Variants in UBE2D2 observed in about 807,000 individuals in gnomAD.
UBE2D2 encodes the protein ubiquitin-conjugating enzyme E2 D2.
A neutral mutation model predicts 24.2 loss-of-function variants in UBE2D2; 2 were observed. The observed-to-expected ratio is 0.08, with a 90% CI of 0.03 to 0.26. UBE2D2 has a LOEUF of 0.26. UBE2D2 is among the 10% of genes least tolerant of loss of function. The pLI is 1.00. For synonymous variants in UBE2D2, 58 were observed against 56.5 expected (o/e 1.03, Z -0.12); for missense variants, 44 against 177.6 (o/e 0.25, Z 4.28).
chr5:139,531,332 T>C (rs1181229779), intron 1 of UBE2D2, among the ~76,000 whole-genome samples: 1 of 152,160 alleles, frequency 6.6e-6, no homozygotes, highest in Non-Finnish European at 1.5e-5. Context: ...CCCTGTTCTG[T>C]TTCTCTCTGA....
At position 139,602,731 on chromosome 5, in the gene UBE2D2, T is replaced by G. The variant is rs367635012; in HGVS notation, c.88+2296T>G. Among the ~76,000 whole-genome samples, 74 of 152,242 alleles carry G rather than the reference T, an allele frequency of 4.9e-4. No homozygotes were observed. In the East Asian group the frequency reaches 0.014, roughly 28 times the overall value. ...AAACGGAAAAAAAGAATGTGTCTGGTCTGCTAAATCCTGAAGAATCAAAGC... is the reference window on the plus strand; with the variant it reads ...AAACGGAAAAAAAGAATGTGTCTGGGCTGCTAAATCCTGAAGAATCAAAGC... On this transcript the variant is annotated intron_variant, in intron 2 of 6. Transcript: ENST00000398733.
intron 1 of UBE2D2, among the ~76,000 whole-genome samples, chr5:139,582,145 C>T (rs888880422): frequency 6.6e-6 from 1 of 151,934 alleles, no homozygotes; most frequent in African/African-American, 2.4e-5. Flanking sequence ...TAGGCACTGC[C>T]GCCCAGCTAA....
intron 1 of UBE2D2, among the ~76,000 whole-genome samples, chr5:139,527,239 C>T (rs149292500): frequency 7.2e-5 from 11 of 152,170 alleles, no homozygotes; most frequent in African/African-American, 2.4e-4. Context: ...CCAAAGCACC[C>T]GGACCAGTTT....
chr5:139,593,781 A>T (rs1328070059), intron 1 of UBE2D2, among the ~76,000 whole-genome samples: 1 of 151,878 alleles, frequency 6.6e-6, no homozygotes, highest in Non-Finnish European at 1.5e-5. Context: ...TGGGCTAATT[A>T]AAAAAAATTT....
chr5:139,603,094 C>T lies in UBE2D2; in HGVS notation c.88+2659C>T, dbSNP rs1023465693. Among the ~76,000 whole-genome samples the T allele has an allele frequency of 2.0e-5, 3 of 152,080 alleles. No homozygotes were observed. The East Asian group carries it at 5.8e-4, about 29-fold the overall frequency. ...TCAGGTTTTCTGATTCTAGTTTGTC[C>T]TTCCACTGTATCATATGGGCCACAT... On this transcript the variant is annotated intron_variant, in intron 2 of 6. Transcript: ENST00000398733.
intron 2 of UBE2D2, chr5:139,611,924 CAG>C (rs1183200731): frequency 6.6e-6 from 1 of 150,926 alleles, no homozygotes; most frequent in Non-Finnish European, 1.5e-5. Flanking sequence ...ATACATCTAA[CAG>C]AGAACTATCA....
At chr5:139,558,489 C>G (rs557542468), upstream of UBE2D2, among the ~76,000 whole-genome samples, 39 of 152,230 alleles carry the variant, frequency 2.6e-4, 1 homozygote, top group African/African-American at 8.9e-4. Context: ...GGGGTTTCAC[C>G]GTGTTAGCCT....
At chr5:139,611,175 CTTTTTTTTTT>C (rs60626896) in intron 2 of UBE2D2, among the ~76,000 whole-genome samples, 37 of 58,796 alleles carry the variant, frequency 6.3e-4, no homozygotes, top group East Asian at 5.4e-3. Flanking sequence ...AGTTTTCCTT[CTTTTTTTTTT>C]TTTTTTTTTT....
At chr5:139,534,059 G>A (rs1220896870) in intron 1 of UBE2D2, among the ~76,000 whole-genome samples, 3 of 151,710 alleles carry the variant, frequency 2.0e-5, no homozygotes, top group Non-Finnish European at 4.4e-5. Context: ...GGGATTACAG[G>A]CGTGAGCCAC....
intron 1 of UBE2D2, among the ~76,000 whole-genome samples, chr5:139,536,603 C>G (rs1037104109): frequency 2.0e-5 from 3 of 151,940 alleles, no homozygotes; most frequent in Non-Finnish European, 2.9e-5. Context: ...CAATTCACCC[C>G]CCTCAGCTTC....
In UBE2D2 at chr5:139,531,917, G is replaced by T. The variant is rs1443904584; in HGVS notation, c.-64+5305G>T. ...TGGGAGGTTTGCTTGAACCCAGGGG[G>T]TCGAAGCTGCAATGAGCCATGGTCA... On this transcript the variant is annotated intron_variant, in intron 1 of 6. Coordinates refer to the UBE2D2 transcript ENST00000511725. 2.0e-5 allele frequency among the ~76,000 whole-genome samples: 3 copies of T among 152,044 alleles called. No homozygotes were observed. The East Asian group carries it at 5.8e-4, about 29-fold the overall frequency.
chr5:139,540,023 G>A lies in UBE2D2; in HGVS notation c.-64+13411G>A, dbSNP rs577527728. Among the ~76,000 whole-genome samples, 10 of 152,136 alleles carry A rather than the reference G, an allele frequency of 6.6e-5. No individual in the cohort carries two copies. In the East Asian group the frequency reaches 1.9e-3, roughly 29 times the overall value. On this transcript the variant is annotated intron_variant, in intron 1 of 6. Transcript: ENST00000511725. Reference sequence around the variant, plus strand: ...CAACCTCCGCCTCCTGGGTTCAAGCGATTCTCCTGCCTCAGCCTCCCGAGT... The same window carrying A: ...CAACCTCCGCCTCCTGGGTTCAAGCAATTCTCCTGCCTCAGCCTCCCGAGT...
At chr5:139,541,754 A>T (rs1752765064) in intron 1 of UBE2D2, among the ~76,000 whole-genome samples, 1 of 151,792 alleles carries the variant, frequency 6.6e-6, no homozygotes, top group Non-Finnish European at 1.5e-5. Context: ...AAAAAAAAAT[A>T]ATAAAAATAA....
intron 1 of UBE2D2, among the ~76,000 whole-genome samples, chr5:139,572,141 C>T (rs375073231): frequency 2.6e-5 from 4 of 152,142 alleles, no homozygotes; most frequent in East Asian, 3.8e-4. Flanking sequence ...ATTTAACTTT[C>T]GTAATAGTTG....
At chr5:139,585,408 T>C (rs1474091459) in intron 1 of UBE2D2, among the ~76,000 whole-genome samples, 2 of 151,806 alleles carry the variant, frequency 1.3e-5, no homozygotes, top group Admixed American at 6.6e-5. Flanking sequence ...GTTAATTTTT[T>C]GTAGAGACAG....
At chr5:139,626,735 A>G (rs750225728) in intron 6 of UBE2D2, 21 bp from the exon 7 acceptor site, 9 of 1,612,428 alleles carry the variant, frequency 5.6e-6, no homozygotes, top group Non-Finnish European at 7.6e-6. Context: ...TGTTAAGCCA[A>G]GCTTCTCTTT....
intron 1 of UBE2D2, chr5:139,562,227 T>C (rs757354431): frequency 2.2e-6 from 3 of 1,370,538 alleles, no homozygotes; most frequent in Non-Finnish European, 2.9e-6. Flanking sequence ...TGTTCCCTCC[T>C]CCCACACCTG....
At chr5:139,579,948 G>C (rs886868532) in intron 1 of UBE2D2, among the ~76,000 whole-genome samples, 16 of 151,844 alleles carry the variant, frequency 1.1e-4, no homozygotes, top group African/African-American at 3.6e-4. Context: ...TCGGGAGGCT[G>C]AGGCAGGAGA....
chr5:139,600,578 C>A, intron 2 of UBE2D2, 143 bp downstream of exon 2: 1 of 759,848 alleles, frequency 1.3e-6, no homozygotes, highest in Non-Finnish European at 2.1e-6. Context: ...CCATTATCAT[C>A]TGTGTTGTTC....
Sources: allele counts gnomAD v4.1 joint callset (sites outside exome capture counted in the v4.1 genomes callset), GRCh38; gene constraint gnomAD v4.1.1; transcripts MANE v1.5; gene names NCBI Gene and HGNC (gene_info 2026-07-23, HGNC 2026-07-21).